The following AFF2 variants were observed in gnomAD, a reference collection of about 807,000 sequenced individuals.
AFF2 encodes ALF transcription elongation factor 2, also known as AF4/FMR2 family member 2.
Under a neutral mutation model 76.9 loss-of-function variants are expected in AFF2, and 14 were observed. The ratio of observed to expected loss-of-function variants is 0.18; its 90% CI spans 0.12 to 0.28. The LOEUF (loss-of-function observed/expected upper bound fraction) is 0.28. Ranked by LOEUF, AFF2 falls within the 10% of genes least tolerant of loss-of-function variation. AFF2 has a pLI of 1.00. For synonymous variants in AFF2, 398 were observed against 366.7 expected (o/e 1.09, Z -0.98); for missense variants, 868 against 1,001.1 (o/e 0.87, Z 1.79).
In AFF2 at chrX:148,937,943, C is replaced by T. The variant is rs185678298; in HGVS notation, c.1398-15637C>T. ...AAGAAAAAATTGCAAAACAGCCAAC[C>T]GCTGGTAACTAAGCAGCCAAATTAT... On this transcript the variant is annotated intron_variant, in intron 9 of 20. Transcript: ENST00000370460. Among the ~76,000 whole-genome samples the T allele has an allele frequency of 1.5e-3, 168 of 112,156 alleles. 1 individual carries two copies. The highest frequency in any genetic ancestry group is 5.2e-3 in the African/African-American group (160 of 30,914).
intron 3 of AFF2, among the ~76,000 whole-genome samples, chrX:148,761,463 T>G (rs898931862): frequency 1.1e-5 from 1 of 92,589 alleles, no homozygotes; most frequent in African/African-American, 5.5e-5. Flanking sequence ...CTCCAGTTTT[T>G]TTTGTTTTTT....
intron 9 of AFF2, among the ~76,000 whole-genome samples, chrX:148,941,976 C>T (rs782695997): frequency 1.8e-5 from 2 of 109,520 alleles, no homozygotes; most frequent in African/African-American, 6.7e-5. Context: ...TTTATCATGC[C>T]GGTCACCCTG....
chrX:148,546,574 G>A (rs1189035115), intron 1 of AFF2, among the ~76,000 whole-genome samples: 1 of 112,437 alleles, frequency 8.9e-6, no homozygotes, highest in Non-Finnish European at 1.9e-5. Flanking sequence ...GAGACCCAGT[G>A]TGTATCATTG....
At chrX:148,770,200 C>A (rs2069569501) in intron 3 of AFF2, among the ~76,000 whole-genome samples, 1 of 111,634 alleles carries the variant, frequency 9.0e-6, no homozygotes, top group Non-Finnish European at 1.9e-5. Context: ...ATGATATTCA[C>A]ACAAGCATCT....
At chrX:148,719,031 C>G (rs1557263573) in intron 3 of AFF2, 3 of 1,015,848 alleles carry the variant, frequency 3.0e-6, no homozygotes, top group Non-Finnish European at 3.8e-6. Context: ...TTATTGTGAC[C>G]TAGAATAAAG....
intron 7 of AFF2, among the ~76,000 whole-genome samples, chrX:148,882,132 T>G (rs1557278556): frequency 9.0e-6 from 1 of 111,656 alleles, no homozygotes. Context: ...GGCAAGGTTT[T>G]GGGAGAGTGA....
chrX:148,747,261 C>T (rs782559890), intron 3 of AFF2, among the ~76,000 whole-genome samples: 14 of 111,392 alleles, frequency 1.3e-4, no homozygotes, highest in Non-Finnish European at 2.6e-4. Context: ...TCATCTTTTG[C>T]GCTAGGCTGA....
At chrX:148,979,939 A>G (rs2072372011) in intron 18 of AFF2, among the ~76,000 whole-genome samples, 2 of 112,011 alleles carry the variant, frequency 1.8e-5, no homozygotes, top group Admixed American at 9.4e-5. Flanking sequence ...TGGGGATGTA[A>G]CTTCCGAGAG....
intron 4 of AFF2, among the ~76,000 whole-genome samples, chrX:148,815,380 C>T (rs2070252179): frequency 9.0e-6 from 1 of 111,573 alleles, no homozygotes. Context: ...ATTCAAAGCA[C>T]TAATGGACTT....
At chrX:148,544,746 C>T (rs1208614150) in intron 1 of AFF2, among the ~76,000 whole-genome samples, 1 of 112,016 alleles carries the variant, frequency 8.9e-6, no homozygotes, top group African/African-American at 3.3e-5. Context: ...GTCCACTGAG[C>T]TCTGTCCACA....
intron 20 of AFF2, 85 bp downstream of exon 20, chrX:148,987,642 C>T (rs1266943712): frequency 2.4e-6 from 2 of 842,633 alleles, no homozygotes; most frequent in Non-Finnish European, 3.4e-6. Context: ...TACTTGGTGG[C>T]CTTATATCTT....
At chrX:148,983,968 A>AAAAAAAAAC (rs1431816827) in intron 19 of AFF2, among the ~76,000 whole-genome samples, 4 of 103,469 alleles carry the variant, frequency 3.9e-5, no homozygotes, top group African/African-American at 1.4e-4. Flanking sequence ...AAAAAAAAAA[A>AAAAAAAAAC]CTGCCCTCAT....
intron 3 of AFF2, among the ~76,000 whole-genome samples, chrX:148,777,017 T>G (rs1226287077): frequency 1.8e-5 from 2 of 112,221 alleles, no homozygotes; most frequent in African/African-American, 6.5e-5. Flanking sequence ...TAATCCATCT[T>G]GAGTTGATTT....
At chrX:148,671,270 T>C (rs2054420678) in intron 3 of AFF2, among the ~76,000 whole-genome samples, 1 of 112,393 alleles carries the variant, frequency 8.9e-6, no homozygotes. Flanking sequence ...ATTTCTGTCA[T>C]CATTATTAAT....
chrX:148,539,358 C>T (rs1237838061), intron 1 of AFF2, among the ~76,000 whole-genome samples: 1 of 111,495 alleles, frequency 9.0e-6, no homozygotes, highest in East Asian at 2.8e-4. Flanking sequence ...TGATTGGAAG[C>T]TGGCTACGTT....
chrX:148,822,002 T>A (rs1010811493), intron 4 of AFF2, among the ~76,000 whole-genome samples: 2 of 112,316 alleles, frequency 1.8e-5, no homozygotes, highest in Non-Finnish European at 3.8e-5. Context: ...ACAATAATGA[T>A]TTGATTTTCC....
intron 3 of AFF2, among the ~76,000 whole-genome samples, chrX:148,741,531 A>T (rs1430222132): frequency 9.0e-6 from 1 of 110,539 alleles, no homozygotes; most frequent in Non-Finnish European, 1.9e-5. Context: ...GAAGGGCGAG[A>T]CGGACTTGAA....
intron 3 of AFF2, among the ~76,000 whole-genome samples, chrX:148,706,111 A>G (rs782385708): frequency 8.9e-6 from 1 of 112,123 alleles, no homozygotes; most frequent in East Asian, 2.8e-4. Context: ...AGCTTCTGAT[A>G]TCACTCCCTT....
At chrX:148,701,430 T>C (rs1299070309) in intron 3 of AFF2, among the ~76,000 whole-genome samples, 1 of 111,569 alleles carries the variant, frequency 9.0e-6, no homozygotes, top group Non-Finnish European at 1.9e-5. Flanking sequence ...TGTTCATTGT[T>C]CTAGAATTCA....
Sources: gnomAD v4.1 joint callset for allele counts (sites outside exome capture counted in the v4.1 genomes callset) on GRCh38, gnomAD v4.1.1 for gene constraint, MANE v1.5 for transcripts, NCBI Gene and HGNC (gene_info 2026-07-23, HGNC 2026-07-21) for gene names.